RAB5A: variants seen among roughly 807,000 people sequenced by gnomAD.
RAB5A encodes the protein ras-related protein Rab-5A.
RAB5A carries 8 observed loss-of-function variants against 25.7 expected under a neutral mutation model. That is an observed-to-expected ratio of 0.31 (90% confidence interval 0.18 to 0.56). RAB5A has a LOEUF of 0.56. Ranked by LOEUF, RAB5A falls within the 20% of genes least tolerant of loss-of-function variation. The pLI, the probability that RAB5A is intolerant of heterozygous loss-of-function variation, is 0.91. For synonymous variants in RAB5A, 98 were observed against 89.8 expected (o/e 1.09, Z -0.52); for missense variants, 192 against 259.7 (o/e 0.74, Z 1.79).
intron 2 of RAB5A, among the ~76,000 whole-genome samples, chr3:19,960,269 A>G (rs1696566089): frequency 6.6e-6 from 1 of 152,148 alleles, no homozygotes; most frequent in Non-Finnish European, 1.5e-5. Context: ...GAGAATAAAG[A>G]TGTGTGAGAG....
intron 2 of RAB5A, among the ~76,000 whole-genome samples, chr3:19,956,117 T>C (rs545188581): frequency 2.5e-4 from 38 of 152,342 alleles, no homozygotes; most frequent in Non-Finnish European, 4.1e-4. Flanking sequence ...GTACCACTGC[T>C]GCTCTCCTTT....
chr3:19,978,448 A>G lies in RAB5A; in HGVS notation c.532+45A>G, dbSNP rs773322748. On this transcript the variant is annotated intron_variant, in intron 5 of 5. Transcript: ENST00000273047. ...TTAAATGATCAATATAAGCAAAACA[A>G]GTGTGAAGCATATTTGGTTTGACTG... is the stretch of plus-strand genomic sequence containing the variant. 2.8e-5 allele frequency: 40 copies of G among 1,409,620 alleles called. 1 individual carries two copies. The South Asian group carries it at 4.5e-4, about 16-fold the overall frequency. 87.3% of individuals were successfully genotyped at this position (1,409,620 alleles called of 1,614,324 possible). A position where few individuals can be genotyped will look rare whatever the true frequency, so the allele number is the denominator to read the frequency against.
intron 2 of RAB5A, among the ~76,000 whole-genome samples, chr3:19,964,883 C>T (rs905201505): frequency 2.2e-4 from 34 of 151,990 alleles, no homozygotes; most frequent in African/African-American, 7.5e-4. Context: ...ATTACACAGA[C>T]GGGAGCTACC....
At chr3:19,982,853 C>A (rs1254136044) in intron 5 of RAB5A, among the ~76,000 whole-genome samples, 2 of 151,890 alleles carry the variant, frequency 1.3e-5, no homozygotes, top group Non-Finnish European at 2.9e-5. Context: ...TGATCTATCA[C>A]AATTCGGGGT....
In RAB5A at chr3:19,978,275, T is replaced by G. The variant is rs200383041; in HGVS notation, c.439-35T>G. ...AGGTGTAGTGTATTTCCAAGAGATA[T>G]ATCTCATATATCTCATTTTTTGTTC... On this transcript the variant is annotated intron_variant, in intron 4 of 5. Transcript: ENST00000273047. The G allele has an allele frequency of 4.6e-4, 619 of 1,349,134 alleles. 2 individuals are homozygous for G. In the African/African-American group the frequency reaches 7.1e-3, roughly 16 times the overall value. The allele number at this position is 1,349,134 out of a possible 1,614,324, so 83.6% of individuals were successfully genotyped here.
At position 19,947,160 on chromosome 3, in the gene RAB5A, GTGGGACT is replaced by G. The variant is rs535117250; in HGVS notation, c.-452_-446del. ...CCGGGCAGCGGAAGTGGCTCCGGCGGTGGGACTTGAGTGTTTGTGTTTTGGTTCGTGA... is the reference window on the plus strand; with the variant it reads ...CCGGGCAGCGGAAGTGGCTCCGGCGGTGAGTGTTTGTGTTTTGGTTCGTGA... On this transcript the variant is annotated 5_prime_UTR_variant, in exon 1 of 6. Coordinates refer to ENST00000273047, the MANE Select transcript of RAB5A (RefSeq NM_004162.5). 7.6e-4 allele frequency: 120 copies of G among 156,874 alleles called. 1 individual carries two copies. Among genetic ancestry groups the G allele is most frequent in the African/African-American group, 2.8e-3 (118 of 41,600 alleles). 9.7% of individuals were successfully genotyped at this position (156,874 alleles called of 1,614,324 possible).
chr3:19,973,353 A>G (rs1393489702), intron 2 of RAB5A, among the ~76,000 whole-genome samples: 1 of 151,038 alleles, frequency 6.6e-6, no homozygotes, highest in Non-Finnish European at 1.5e-5. Flanking sequence ...TGTCTGAAAA[A>G]TGAAACAGTC....
At chr3:19,961,979 TTAG>T (rs1696592208) in intron 2 of RAB5A, among the ~76,000 whole-genome samples, 1 of 152,228 alleles carries the variant, frequency 6.6e-6, no homozygotes, top group Admixed American at 6.5e-5. Context: ...GTGAGTGGGC[TTAG>T]TAGGTGGTTC....
At chr3:19,975,994 C>CT in intron 3 of RAB5A, 53 bp from the exon 4 acceptor site, 1 of 1,578,588 alleles carries the variant, frequency 6.3e-7, no homozygotes, top group East Asian at 2.2e-5. Context: ...CACAAAGATG[C>CT]TTGGTAACCA....
At chr3:19,970,268 G>A (rs1406605825) in intron 2 of RAB5A, among the ~76,000 whole-genome samples, 2 of 152,210 alleles carry the variant, frequency 1.3e-5, no homozygotes, top group Non-Finnish European at 2.9e-5. Context: ...CTTGCCCAGT[G>A]TGTTACAGTG....
At chr3:19,978,952 T>TACACAA (rs946720588) in intron 5 of RAB5A, 26 of 152,016 alleles carry the variant, frequency 1.7e-4, no homozygotes, top group African/African-American at 6.3e-4. Context: ...CATTTGATCT[T>TACACAA]ACACAATGTT....
At chr3:19,948,490 TTAAC>T (rs1696367439) in intron 1 of RAB5A, among the ~76,000 whole-genome samples, 2 of 152,226 alleles carry the variant, frequency 1.3e-5, no homozygotes. Flanking sequence ...TAGAAGGATT[TTAAC>T]TATAGAATGA....
At chr3:19,958,940 A>G (rs1696544777) in intron 2 of RAB5A, among the ~76,000 whole-genome samples, 1 of 152,250 alleles carries the variant, frequency 6.6e-6, no homozygotes, top group Non-Finnish European at 1.5e-5. Flanking sequence ...CTCTGTCTCA[A>G]AAAAAGAAAA....
In RAB5A at chr3:19,972,640, T is replaced by G. The variant is rs146953290; in HGVS notation, c.164-2961T>G. On this transcript the variant is annotated intron_variant, in intron 2 of 5. Coordinates refer to ENST00000273047, the MANE Select transcript of RAB5A (RefSeq NM_004162.5). ...CTCGTGTGTTTATTAGGAATGGATA[T>G]TGACTCAAATGCCTTTTTGTAATTT... 1.7e-3 allele frequency among the ~76,000 whole-genome samples: 256 copies of G among 152,364 alleles called. 2 individuals are homozygous for G. The highest frequency in any genetic ancestry group is 5.8e-3 in the African/African-American group (243 of 41,594).
chr3:19,961,511 G>A (rs182579924), intron 2 of RAB5A, among the ~76,000 whole-genome samples: 1 of 152,242 alleles, frequency 6.6e-6, no homozygotes, highest in Admixed American at 6.5e-5. Context: ...GGAAAATAAT[G>A]TGAAAGTATT....
At chr3:19,967,317 G>C (rs1696675345) in intron 2 of RAB5A, among the ~76,000 whole-genome samples, 1 of 152,044 alleles carries the variant, frequency 6.6e-6, no homozygotes, top group Admixed American at 6.6e-5. Flanking sequence ...GCTGATTTTT[G>C]TGTTTTTAAT....
At chr3:19,963,378 C>CT (rs71055081) in intron 2 of RAB5A, among the ~76,000 whole-genome samples, 1 of 97,130 alleles carries the variant, frequency 1.0e-5, no homozygotes, top group African/African-American at 3.9e-5. Flanking sequence ...CCCCCCCCCC[C>CT]GACTTATTTT....
At chr3:19,951,376 A>G in intron 2 of RAB5A, among the ~76,000 whole-genome samples, 1 of 152,222 alleles carries the variant, frequency 6.6e-6, no homozygotes, top group Non-Finnish European at 1.5e-5. Flanking sequence ...AAGCTTCTTC[A>G]AATTAATACA....
At chr3:19,953,054 T>C (rs1696446519) in intron 2 of RAB5A, among the ~76,000 whole-genome samples, 1 of 149,484 alleles carries the variant, frequency 6.7e-6, no homozygotes, top group Non-Finnish European at 1.5e-5. Context: ...CTCCTCTCTC[T>C]TTATTATTTT....
Sources: gnomAD v4.1 joint callset for allele counts (sites outside exome capture counted in the v4.1 genomes callset) on GRCh38, gnomAD v4.1.1 for gene constraint, MANE v1.5 for transcripts, NCBI Gene and HGNC (gene_info 2026-07-23, HGNC 2026-07-21) for gene names.